Variants in SAMD12 observed in about 807,000 individuals in gnomAD.
The protein encoded by SAMD12 is sterile alpha motif domain containing 12, also known as sterile alpha motif domain-containing protein 12.
Under a neutral mutation model 15.0 loss-of-function variants are expected in SAMD12, and 9 were observed. That is an observed-to-expected ratio of 0.60 (90% CI 0.36 to 1.05). The LOEUF (loss-of-function observed/expected upper bound fraction) is 1.05, where lower values mean the gene tolerates loss of function less well. Ranked by LOEUF, SAMD12 falls within the 50% of genes least tolerant of loss-of-function variation. The pLI is 0.01. For synonymous variants in SAMD12, 86 were observed against 90.1 expected, an observed-to-expected ratio of 0.96 and a Z score of 0.25; for missense variants, 230 against 234.2, an observed-to-expected ratio of 0.98 and a Z score of 0.12.
intron 4 of SAMD12, among the ~76,000 whole-genome samples, chr8:118,203,476 T>C (rs1819770717): frequency 6.6e-6 from 1 of 152,064 alleles, no homozygotes; most frequent in Non-Finnish European, 1.5e-5. Context: ...CATTTTAGAA[T>C]GTATAGGACA....
intron 4 of SAMD12, among the ~76,000 whole-genome samples, chr8:118,245,704 A>C (rs1179193839): frequency 6.6e-6 from 1 of 152,152 alleles, no homozygotes; most frequent in Non-Finnish European, 1.5e-5. Context: ...TTTAATAAAA[A>C]GGGACTAACT....
intron 2 of SAMD12, among the ~76,000 whole-genome samples, chr8:118,517,226 C>T (rs767751459): frequency 1.3e-4 from 20 of 152,088 alleles, no homozygotes; most frequent in African/African-American, 4.8e-4. Context: ...CTTTGAACTG[C>T]GCCTGAATAA....
At chr8:118,231,838 T>C (rs1399687655) in intron 4 of SAMD12, among the ~76,000 whole-genome samples, 2 of 151,998 alleles carry the variant, frequency 1.3e-5, no homozygotes, top group Non-Finnish European at 2.9e-5. Flanking sequence ...GTGATTGAGT[T>C]CTTGCCATGA....
chr8:118,501,416 A>C (rs1824778310), intron 2 of SAMD12, among the ~76,000 whole-genome samples: 1 of 152,234 alleles, frequency 6.6e-6, no homozygotes, highest in South Asian at 2.1e-4. Flanking sequence ...TCAAAACATC[A>C]TACTGTATAC....
intron 2 of SAMD12, among the ~76,000 whole-genome samples, chr8:118,477,456 A>C (rs146788252): frequency 2.4e-4 from 36 of 152,288 alleles, no homozygotes; most frequent in Non-Finnish European, 3.7e-4. Context: ...AGCTACACAT[A>C]ATTAGCTGAA....
intron 4 of SAMD12, among the ~76,000 whole-genome samples, chr8:118,318,323 TATATATATA>T (rs2130435360): frequency 7.0e-5 from 1 of 14,246 alleles, no homozygotes; most frequent in South Asian, 1.8e-3. Context: ...TATATATATA[TATATATATA>T]TATATATATA....
intron 4 of SAMD12, among the ~76,000 whole-genome samples, chr8:118,292,019 C>T (rs192994253): frequency 7.3e-5 from 11 of 151,042 alleles, no homozygotes; most frequent in African/African-American, 1.7e-4. Context: ...TGCTACAAGG[C>T]GATGCTTTAG....
intron 4 of SAMD12, among the ~76,000 whole-genome samples, chr8:118,261,465 T>C (rs1813075287): frequency 6.6e-6 from 1 of 152,198 alleles, no homozygotes; most frequent in Non-Finnish European, 1.5e-5. Flanking sequence ...GACTCTCACA[T>C]TTCAGCAAAA....
At chr8:118,388,221 G>C (rs1348760047) in intron 3 of SAMD12, among the ~76,000 whole-genome samples, 5 of 152,142 alleles carry the variant, frequency 3.3e-5, no homozygotes, top group Admixed American at 3.3e-4. Flanking sequence ...AGTTACTGCT[G>C]GGCTATACTC....
At chr8:118,469,525 A>AAAATATATTATATTTTATATATAAATT (rs1823716925) in intron 2 of SAMD12, among the ~76,000 whole-genome samples, 1 of 1,280 alleles carries the variant, frequency 7.8e-4, no homozygotes, top group African/African-American at 2.6e-3. Flanking sequence ...TAATATATAT[A>AAAATATATTATATTTTATATATAAATT]ATATATTATA....
intron 4 of SAMD12, among the ~76,000 whole-genome samples, chr8:118,372,428 T>TC (rs912477386): frequency 3.8e-4 from 58 of 151,916 alleles, no homozygotes; most frequent in African/African-American, 1.3e-3. Flanking sequence ...CAGTATTTTT[T>TC]TTTTTTTTTT....
intron 2 of SAMD12, among the ~76,000 whole-genome samples, chr8:118,511,980 A>G (rs1431374400): frequency 1.3e-5 from 2 of 152,208 alleles, no homozygotes; most frequent in Non-Finnish European, 2.9e-5. Context: ...CTAAATAAGT[A>G]AATCAATCAA....
At chr8:118,568,064 A>G (rs1440671618) in intron 2 of SAMD12, among the ~76,000 whole-genome samples, 1 of 152,216 alleles carries the variant, frequency 6.6e-6, no homozygotes, top group African/African-American at 2.4e-5. Flanking sequence ...AACATAAATT[A>G]TGTATGGTTT....
At chr8:118,335,594 G>A (rs971180357) in intron 4 of SAMD12, among the ~76,000 whole-genome samples, 6 of 152,102 alleles carry the variant, frequency 3.9e-5, no homozygotes, top group African/African-American at 7.2e-5. Flanking sequence ...AGTGTGTGCC[G>A]AATCTTTCAG....
the SAMD12 span, among the ~76,000 whole-genome samples, chr8:118,132,940 A>G: frequency 3.3e-5 from 4 of 122,792 alleles, no homozygotes; most frequent in African/African-American, 1.2e-4. Context: ...GTGAGAGATG[A>G]TTCTTATGGT....
intron 2 of SAMD12, among the ~76,000 whole-genome samples, chr8:118,543,248 A>C (rs562059582): frequency 6.6e-6 from 1 of 152,104 alleles, no homozygotes; most frequent in Non-Finnish European, 1.5e-5. Context: ...ATGTGCACTT[A>C]GTCCTAAACC....
intron 2 of SAMD12, among the ~76,000 whole-genome samples, chr8:118,550,882 GTC>G (rs1266730441): frequency 6.7e-6 from 1 of 149,820 alleles, no homozygotes; most frequent in African/African-American, 2.5e-5. Context: ...TGCAATCCTA[GTC>G]TCTGATAAAA....
At chr8:118,252,531 A>G (rs1373041399) in intron 4 of SAMD12, among the ~76,000 whole-genome samples, 1 of 152,026 alleles carries the variant, frequency 6.6e-6, no homozygotes, top group Non-Finnish European at 1.5e-5. Context: ...CCAGTTCAGC[A>G]CTTCCTGATA....
rs565934587 is a variant in SAMD12 at position 118,620,163 on chromosome 8, C to G, written c.13+1641G>C. On this transcript the variant is annotated intron_variant, in intron 1 of 3. Coordinates refer to ENST00000314727, the MANE Select transcript of SAMD12 (RefSeq NM_207506.3). ...ACAAATTTATACTTCTTACAGGGAA[C>G]AAGAAATTGTTTTCGAGAACAGTGT... 1.4e-3 allele frequency among the ~76,000 whole-genome samples: 207 copies of G among 152,150 alleles called. 1 individual carries two copies. The highest frequency in any genetic ancestry group is 3.4e-3 in the Middle Eastern group (1 of 294).
Sources: gnomAD v4.1 joint callset for allele counts (sites outside exome capture counted in the v4.1 genomes callset) on GRCh38, gnomAD v4.1.1 for gene constraint, MANE v1.5 for transcripts, NCBI Gene and HGNC (gene_info 2026-07-23, HGNC 2026-07-21) for gene names.